Variants in VWA8 observed in about 807,000 individuals in gnomAD.
The protein encoded by VWA8 is von Willebrand factor A domain-containing protein 8.
Under a neutral mutation model 241.5 loss-of-function variants are expected in VWA8, and 221 were observed. The observed-to-expected ratio is 0.91, with a 90% CI of 0.82 to 1.02. The LOEUF (loss-of-function observed/expected upper bound fraction) is 1.02, where lower values mean the gene tolerates loss of function less well. VWA8 is among the 50% of genes least tolerant of loss of function. The pLI, the probability that VWA8 is intolerant of heterozygous loss-of-function variation, is 0.00. For synonymous variants in VWA8, 852 were observed against 827.1 expected, an observed-to-expected ratio of 1.03 and a Z score of -0.52; for missense variants, 2,322 against 2,328.7, an observed-to-expected ratio of 1.00 and a Z score of 0.06.
chr13:41,938,809 T>A lies in VWA8; in HGVS notation c.241+11127A>T, dbSNP rs552272404. On this transcript the variant is annotated intron_variant, in intron 2 of 44. Coordinates refer to ENST00000379310, the MANE Select transcript of VWA8 (RefSeq NM_015058.2). Reference sequence around the variant, plus strand: ...CTAACTCTATTAAGTAAGGGACTCTTAGGTAACACTTTCCCAGTGAAGTTT... The same window carrying A: ...CTAACTCTATTAAGTAAGGGACTCTAAGGTAACACTTTCCCAGTGAAGTTT... 1.4e-4 allele frequency among the ~76,000 whole-genome samples: 21 copies of A among 152,342 alleles called. 1 individual carries two copies. In the South Asian group the frequency reaches 4.3e-3, roughly 32 times the overall value.
chr13:41,789,873 G>GA (rs1283383495), intron 17 of VWA8, among the ~76,000 whole-genome samples: 1 of 152,132 alleles, frequency 6.6e-6, no homozygotes, highest in Non-Finnish European at 1.5e-5. Context: ...GAATATTTAA[G>GA]ATAATTTATG....
chr13:41,783,382 G>C (rs969592056), intron 19 of VWA8, among the ~76,000 whole-genome samples: 1 of 151,926 alleles, frequency 6.6e-6, no homozygotes, highest in Non-Finnish European at 1.5e-5. Context: ...GCTCACGCCT[G>C]TAATACTAGC....
rs192368177 is a variant in VWA8 at position 41,624,972 on chromosome 13, T to A, written c.4612-9888A>T. Among the ~76,000 whole-genome samples the A allele has an allele frequency of 2.3e-4, 35 of 152,248 alleles. 1 individual carries two copies. The highest frequency in any genetic ancestry group is 9.2e-4 in the Admixed American group (14 of 15,286). ...GAACTGATAAACAACTTCAGTAAAG[T>A]TTCAGGATACAAAATCGATGTACAA... On this transcript the variant is annotated intron_variant, in intron 37 of 44. Coordinates refer to ENST00000379310, the MANE Select transcript of VWA8 (RefSeq NM_015058.2).
chr13:41,808,638 C>CA (rs1202293056), intron 17 of VWA8, among the ~76,000 whole-genome samples: 1 of 152,100 alleles, frequency 6.6e-6, no homozygotes, highest in Non-Finnish European at 1.5e-5. Context: ...GACACAGATC[C>CA]AACCCATATC....
intron 12 of VWA8, among the ~76,000 whole-genome samples, chr13:41,836,739 C>A (rs1871748493): frequency 6.6e-6 from 1 of 152,036 alleles, no homozygotes; most frequent in African/African-American, 2.4e-5. Context: ...TAGGGCTCTT[C>A]TTTTACAATC....
intron 24 of VWA8, 62 bp downstream of exon 24, chr13:41,727,132 A>C: frequency 7.7e-7 from 1 of 1,291,336 alleles, no homozygotes; most frequent in South Asian, 1.4e-5. Flanking sequence ...CAGCCATTAC[A>C]GCAGTGTTAC....
At chr13:41,658,639 C>T (rs1245426722) in intron 37 of VWA8, among the ~76,000 whole-genome samples, 1 of 152,202 alleles carries the variant, frequency 6.6e-6, no homozygotes, top group Admixed American at 6.5e-5. Flanking sequence ...CCATAGTCAG[C>T]CAGTCTCCAA....
At chr13:41,855,363 T>C (rs1326540403) in intron 12 of VWA8, among the ~76,000 whole-genome samples, 2 of 145,262 alleles carry the variant, frequency 1.4e-5, no homozygotes, top group South Asian at 4.2e-4. Context: ...TATTAATATA[T>C]ATTAATATTA....
chr13:41,928,970 T>C (rs1050785795), intron 2 of VWA8, among the ~76,000 whole-genome samples: 2 of 152,080 alleles, frequency 1.3e-5, no homozygotes, highest in African/African-American at 4.8e-5. Flanking sequence ...ATTGTGAAGA[T>C]GTATATACTA....
chr13:41,641,570 CAA>C (rs2044795465), intron 37 of VWA8, among the ~76,000 whole-genome samples: 1 of 151,910 alleles, frequency 6.6e-6, no homozygotes, highest in African/African-American at 2.4e-5. Flanking sequence ...AGCTTTTTGG[CAA>C]AGAGTTATTA....
chr13:41,957,897 G>T (rs898638574), intron 1 of VWA8, among the ~76,000 whole-genome samples: 3 of 152,110 alleles, frequency 2.0e-5, no homozygotes, highest in Non-Finnish European at 2.9e-5. Context: ...ATGTTTCTAG[G>T]TTTATCATTT....
intron 17 of VWA8, among the ~76,000 whole-genome samples, chr13:41,803,428 A>G (rs1395629091): frequency 6.6e-6 from 1 of 152,216 alleles, no homozygotes; most frequent in Non-Finnish European, 1.5e-5. Flanking sequence ...GGAAATTTAC[A>G]AAAGAAAGAG....
At chr13:41,792,964 G>T (rs1869524763) in intron 17 of VWA8, among the ~76,000 whole-genome samples, 1 of 151,884 alleles carries the variant, frequency 6.6e-6, no homozygotes, top group Non-Finnish European at 1.5e-5. Context: ...ATTTTCTCTT[G>T]TATTTTTAAT....
At chr13:41,893,538 T>A (rs1376241639) in intron 4 of VWA8, among the ~76,000 whole-genome samples, 2 of 151,916 alleles carry the variant, frequency 1.3e-5, no homozygotes, top group African/African-American at 4.8e-5. Flanking sequence ...AGAATCTCAT[T>A]TTTGCTAGCT....
chr13:41,763,151 T>C (rs2045753239), intron 20 of VWA8, among the ~76,000 whole-genome samples: 1 of 151,948 alleles, frequency 6.6e-6, no homozygotes, highest in South Asian at 2.1e-4. Context: ...TAGCCAGGCA[T>C]GGTGGCACAT....
At chr13:41,779,397 A>G (rs899556448) in intron 19 of VWA8, among the ~76,000 whole-genome samples, 3 of 151,914 alleles carry the variant, frequency 2.0e-5, no homozygotes, top group Non-Finnish European at 4.4e-5. Context: ...CCCTATGTTT[A>G]TCTTGGTCGT....
In VWA8 at chr13:41,675,225, G is replaced by A. The variant is rs753708487; in HGVS notation, c.4399C>T (p.Pro1467Ser). The A allele has an allele frequency of 2.5e-6, 4 of 1,610,146 alleles. No individual in the cohort carries two copies. The highest frequency in any genetic ancestry group is 3.4e-6 in the Non-Finnish European group (4 of 1,177,042). The change falls in exon 36 of 45, where the codon CCT becomes TCT. Residue 1467 changes from proline (P) to serine (S), a missense_variant. Transcript: ENST00000379310. ...DLQSKKLRYI[P>S]IPRSESLSPY... Reference sequence around the variant, plus strand: ...GGTGAAATGGATTACCTGGGAATAGGGATATATCGGAGTTTCTTTGATTGA... The same window carrying A: ...GGTGAAATGGATTACCTGGGAATAGAGATATATCGGAGTTTCTTTGATTGA...
intron 2 of VWA8, among the ~76,000 whole-genome samples, chr13:41,944,298 T>TA (rs1877745624): frequency 6.6e-6 from 1 of 151,936 alleles, no homozygotes; most frequent in South Asian, 2.1e-4. Context: ...TCATGAGCAT[T>TA]TATGTAAGAA....
In VWA8 at chr13:41,949,922, T is replaced by G; in HGVS notation, c.241+14A>C. Reference sequence around the variant, plus strand: ...TAAAAGTTATTCATTCATATATTAATAAATATTTCTTACTGTAGTTCTGTG... The same window carrying G: ...TAAAAGTTATTCATTCATATATTAAGAAATATTTCTTACTGTAGTTCTGTG... On this transcript the variant is annotated intron_variant, in intron 2 of 44. Coordinates refer to ENST00000379310, the MANE Select transcript of VWA8 (RefSeq NM_015058.2). 6.7e-7 allele frequency: 1 copy of G among 1,482,472 alleles called. No homozygotes were observed. Among genetic ancestry groups the G allele is most frequent in the Non-Finnish European group, 9.2e-7 (1 of 1,091,020 alleles). The allele number at this position is 1,482,472 out of a possible 1,614,324, so 91.8% of individuals were successfully genotyped here. A position where few individuals can be genotyped will look rare whatever the true frequency, so the allele number is the denominator to read the frequency against.
Sources: gnomAD v4.1 joint callset for allele counts (sites outside exome capture counted in the v4.1 genomes callset) on GRCh38, gnomAD v4.1.1 for gene constraint, MANE v1.5 for transcripts, NCBI Gene and HGNC (gene_info 2026-07-23, HGNC 2026-07-21) for gene names.